TRPM3: variants seen among roughly 807,000 people sequenced by gnomAD.
The protein encoded by TRPM3 is long transient receptor potential channel 3.
Under a neutral mutation model 181.2 loss-of-function variants are expected in TRPM3, and 77 were observed. The observed-to-expected ratio is 0.42, with a 90% CI of 0.35 to 0.51. The LOEUF (loss-of-function observed/expected upper bound fraction) is 0.51, where lower values mean the gene tolerates loss of function less well. Among genes scored for constraint, TRPM3 ranks in the 20% least tolerant of loss-of-function variants. The probability of loss-of-function intolerance (pLI) is 0.01; values close to 1 mark genes in which losing one functional copy is unlikely to be tolerated. For missense variants in TRPM3, 1,759 were observed against 2,196.7 expected (o/e 0.80, Z 3.98); for synonymous variants, 745 against 796.4 (o/e 0.94, Z 1.09).
At chr9:71,292,981 AGTTG>A (rs777061707) in intron 1 of TRPM3, among the ~76,000 whole-genome samples, 22 of 152,024 alleles carry the variant, frequency 1.4e-4, no homozygotes, top group Non-Finnish European at 3.1e-4. Context: ...AAGAATATAA[AGTTG>A]GTTGAACATC....
At chr9:70,612,111 T>C (rs1183107570) in intron 18 of TRPM3, among the ~76,000 whole-genome samples, 2 of 152,216 alleles carry the variant, frequency 1.3e-5, no homozygotes, top group Non-Finnish European at 2.9e-5. Flanking sequence ...CAGTAAACAC[T>C]AGCTAGGCTT....
At chr9:71,118,254 A>T (rs554166392) in intron 1 of TRPM3, among the ~76,000 whole-genome samples, 211 of 152,298 alleles carry the variant, frequency 1.4e-3, no homozygotes, top group Non-Finnish European at 2.5e-3. Context: ...CAAATTCAAA[A>T]TGTGAGTGTG....
chr9:70,751,106 A>G (rs1272028738), intron 8 of TRPM3, among the ~76,000 whole-genome samples: 1 of 152,164 alleles, frequency 6.6e-6, no homozygotes, highest in East Asian at 1.9e-4. Flanking sequence ...ATGCAATTAG[A>G]CTAATTTACC....
At chr9:71,082,682 A>G (rs2064562447) in intron 1 of TRPM3, among the ~76,000 whole-genome samples, 1 of 152,176 alleles carries the variant, frequency 6.6e-6, no homozygotes, top group African/African-American at 2.4e-5. Context: ...ATTATCTCAC[A>G]CAGCCTTATA....
chr9:71,438,784 A>G (rs2131654878), intron 1 of TRPM3, among the ~76,000 whole-genome samples: 1 of 152,344 alleles, frequency 6.6e-6, no homozygotes, highest in East Asian at 1.9e-4. Context: ...GAAATAGAAA[A>G]TAGGGATATA....
chr9:70,636,428 T>A (rs1483446159), intron 11 of TRPM3, among the ~76,000 whole-genome samples: 1 of 152,068 alleles, frequency 6.6e-6, no homozygotes. Flanking sequence ...AAAAGACGGA[T>A]GTTTGTTTGA....
At chr9:71,113,023 A>T (rs953183841) in intron 1 of TRPM3, among the ~76,000 whole-genome samples, 5 of 152,180 alleles carry the variant, frequency 3.3e-5, no homozygotes, top group Non-Finnish European at 7.4e-5. Flanking sequence ...CAGAGGCCAG[A>T]TCACCTTGGG....
intron 1 of TRPM3, among the ~76,000 whole-genome samples, chr9:71,279,240 C>A (rs1367941131): frequency 6.6e-6 from 1 of 151,932 alleles, no homozygotes; most frequent in African/African-American, 2.4e-5. Context: ...GGAGGGCAAC[C>A]CCTTCCTGTG....
At chr9:71,068,141 C>A (rs1198198399) in intron 1 of TRPM3, among the ~76,000 whole-genome samples, 3 of 152,076 alleles carry the variant, frequency 2.0e-5, no homozygotes, top group Non-Finnish European at 4.4e-5. Context: ...CCTGACCTAT[C>A]AAAAAGGGGA....
intron 9 of TRPM3, among the ~76,000 whole-genome samples, chr9:70,670,858 T>C (rs181035611): frequency 1.2e-4 from 18 of 152,296 alleles, no homozygotes; most frequent in African/African-American, 4.1e-4. Context: ...AGAGGTTTAA[T>C]TGATTTCCCT....
chr9:70,940,172 T>C (rs1303138798), intron 1 of TRPM3, among the ~76,000 whole-genome samples: 2 of 152,200 alleles, frequency 1.3e-5, no homozygotes. Flanking sequence ...GCACAAAATA[T>C]GTGTTAAAAT....
At chr9:71,131,257 G>A (rs1158874923) in intron 1 of TRPM3, among the ~76,000 whole-genome samples, 2 of 152,270 alleles carry the variant, frequency 1.3e-5, no homozygotes, top group African/African-American at 4.8e-5. Flanking sequence ...CATGAGATTA[G>A]CTCCTTCTCA....
chr9:71,250,774 T>C (rs755341482), intron 1 of TRPM3, among the ~76,000 whole-genome samples: 11 of 151,976 alleles, frequency 7.2e-5, no homozygotes, highest in Non-Finnish European at 1.6e-4. Context: ...CAGGTGCATA[T>C]GCAAAGGTCC....
At chr9:70,784,354 A>C (rs2083118651) in intron 6 of TRPM3, 75 bp from the exon 7 acceptor site, 2 of 1,441,880 alleles carry the variant, frequency 1.4e-6, no homozygotes, top group African/African-American at 1.4e-5. Flanking sequence ...AAACAAAAAG[A>C]GAAACAAAAA....
intron 8 of TRPM3, among the ~76,000 whole-genome samples, chr9:70,687,075 G>T (rs1029583495): frequency 2.0e-5 from 3 of 151,922 alleles, no homozygotes; most frequent in African/African-American, 7.3e-5. Flanking sequence ...GATCACGGGT[G>T]TCAGCCACTG....
chr9:70,798,754 G>C (rs921223646), intron 6 of TRPM3, among the ~76,000 whole-genome samples: 1 of 152,208 alleles, frequency 6.6e-6, no homozygotes, highest in African/African-American at 2.4e-5. Context: ...TCATTAAGGG[G>C]TTGCCTGTCA....
chr9:71,154,070 C>T (rs1035244331), intron 1 of TRPM3, among the ~76,000 whole-genome samples: 1 of 152,042 alleles, frequency 6.6e-6, no homozygotes, highest in South Asian at 2.1e-4. Context: ...CAAATAACAA[C>T]AACAACAACA....
chr9:70,694,642 G>A lies in TRPM3; in HGVS notation c.1273-13064C>T, dbSNP rs7022330. ...ACTACAGGCACCCGCCACCACGCCC[G>A]GCTAATTTTTTGTATTTTTAGTAGA... On this transcript the variant is annotated intron_variant, in intron 8 of 25. Transcript: ENST00000677713. Among the ~76,000 whole-genome samples, 464 of 152,054 alleles carry A rather than the reference G, an allele frequency of 3.1e-3. 1 individual carries two copies. Among genetic ancestry groups the A allele is most frequent in the African/African-American group, 0.01 (435 of 41,484 alleles).
chr9:70,829,485 T>C (rs1179535439), intron 5 of TRPM3, among the ~76,000 whole-genome samples: 2 of 152,182 alleles, frequency 1.3e-5, no homozygotes, highest in East Asian at 1.9e-4. Flanking sequence ...CTCATTTAAA[T>C]ATAAAATGTG....
Sources: gnomAD v4.1 joint callset for allele counts (sites outside exome capture counted in the v4.1 genomes callset) on GRCh38, gnomAD v4.1.1 for gene constraint, MANE v1.5 for transcripts, NCBI Gene and HGNC (gene_info 2026-07-23, HGNC 2026-07-21) for gene names.